Variants in ADGRL3 observed in about 807,000 individuals in gnomAD.
ADGRL3 encodes adhesion G protein-coupled receptor L3, also known as calcium-independent alpha-latrotoxin receptor 3.
In ADGRL3, 62 loss-of-function variants were observed where a neutral mutation model predicts 153.5. That is an observed-to-expected ratio of 0.40 (90% CI 0.33 to 0.50). ADGRL3 has a LOEUF of 0.50. Ranked by LOEUF, ADGRL3 falls within the 20% of genes least tolerant of loss-of-function variation. ADGRL3 has a pLI of 0.47. For synonymous variants in ADGRL3, 710 were observed against 672.5 expected (o/e 1.06, Z -0.86); for missense variants, 1,641 against 1,859.4 (o/e 0.88, Z 2.16).
At chr4:61,713,505 C>T (rs1489759825) in intron 6 of ADGRL3, among the ~76,000 whole-genome samples, 1 of 151,646 alleles carries the variant, frequency 6.6e-6, no homozygotes, top group African/African-American at 2.4e-5. Flanking sequence ...ATTATATTCT[C>T]TCAGAATCTT....
chr4:62,064,709 T>A (rs1189676238), intron 25 of ADGRL3, among the ~76,000 whole-genome samples: 1 of 151,626 alleles, frequency 6.6e-6, no homozygotes, highest in African/African-American at 2.4e-5. Flanking sequence ...GAAAGATTAG[T>A]GGTGTGTATG....
rs974539064 is a variant in ADGRL3, at chr4:62,070,820, G to C, written c.4544G>C (p.Ser1515Thr). 2 of 1,551,568 alleles carry C rather than the reference G, an allele frequency of 1.3e-6. No homozygotes were observed. Among genetic ancestry groups the C allele is most frequent in the African/African-American group, 2.7e-5 (2 of 73,026 alleles). The change falls in exon 27 of 27, where the codon AGT becomes ACT. Residue 1515 changes from serine (S) to threonine (T), a missense_variant. Physicochemically the swap from Ser to Thr is moderately conservative, Grantham distance 58. Transcript: ENST00000683033. ...TACTACCAGCTAGGTCGCGGCAGCA[G>C]TGATGGATTTATAGTTCCTCCAAAC... ...HTYYQLGRGSSDGFIVPPNKD... is the reference protein window; with the variant it reads ...HTYYQLGRGSTDGFIVPPNKD...
At chr4:61,781,434 AC>A (rs1203464187) in intron 8 of ADGRL3, among the ~76,000 whole-genome samples, 1 of 152,020 alleles carries the variant, frequency 6.6e-6, no homozygotes, top group Non-Finnish European at 1.5e-5. Flanking sequence ...ATGTATGTTA[AC>A]CTCTCTCTTC....
chr4:61,823,339 G>A (rs981339071), intron 9 of ADGRL3, among the ~76,000 whole-genome samples: 25 of 152,110 alleles, frequency 1.6e-4, no homozygotes, highest in Non-Finnish European at 2.1e-4. Flanking sequence ...AATGATAATA[G>A]CTAATATTTA....
intron 21 of ADGRL3, among the ~76,000 whole-genome samples, chr4:62,005,967 TACACACACACAC>T (rs59783179): frequency 1.0e-4 from 7 of 67,714 alleles, no homozygotes; most frequent in South Asian, 7.1e-4. Flanking sequence ...TATATACACA[TACACACACACAC>T]ACACACACAC....
intron 1 of ADGRL3, among the ~76,000 whole-genome samples, chr4:61,341,018 A>G (rs975316563): frequency 1.3e-5 from 2 of 152,040 alleles, no homozygotes; most frequent in African/African-American, 4.8e-5. Context: ...AAGAGAATGT[A>G]TCAGTATTGT....
At chr4:61,309,270 A>G (rs2094912587) in intron 1 of ADGRL3, among the ~76,000 whole-genome samples, 1 of 152,174 alleles carries the variant, frequency 6.6e-6, no homozygotes, top group African/African-American at 2.4e-5. Flanking sequence ...AGGTCAGGAC[A>G]TCTGGTACCC....
chr4:61,448,553 G>GTTTA (rs1279434804), intron 2 of ADGRL3, among the ~76,000 whole-genome samples: 2 of 152,100 alleles, frequency 1.3e-5, no homozygotes, highest in African/African-American at 4.8e-5. Context: ...CAACATGTAT[G>GTTTA]TAAAGTGCTT....
intron 1 of ADGRL3, chr4:61,212,185 A>T (rs1460107191): frequency 6.6e-6 from 1 of 152,250 alleles, no homozygotes; most frequent in African/African-American, 2.4e-5. Context: ...AAGAAAAAAA[A>T]CTTATGGCAT....
At chr4:61,428,937 CT>C (rs1228050218) in intron 2 of ADGRL3, among the ~76,000 whole-genome samples, 3 of 150,116 alleles carry the variant, frequency 2.0e-5, no homozygotes, top group Non-Finnish European at 3.0e-5. Context: ...ATCTATCTAT[CT>C]ATCTGTCATT....
chr4:61,423,957 A>G (rs566180938), intron 2 of ADGRL3, among the ~76,000 whole-genome samples: 2 of 152,262 alleles, frequency 1.3e-5, no homozygotes, highest in Non-Finnish European at 2.9e-5. Context: ...GAGGCCAATA[A>G]GGGTGAATGT....
At chr4:62,027,514 G>T (rs909155336) in intron 21 of ADGRL3, among the ~76,000 whole-genome samples, 1 of 151,882 alleles carries the variant, frequency 6.6e-6, no homozygotes, top group Non-Finnish European at 1.5e-5. Flanking sequence ...CCCATTGGAC[G>T]TACAGTTCTA....
chr4:61,960,519 A>G (rs575623087), intron 17 of ADGRL3, among the ~76,000 whole-genome samples: 2 of 152,318 alleles, frequency 1.3e-5, no homozygotes, highest in East Asian at 3.9e-4. Flanking sequence ...AGCACTCTGG[A>G]AAGCCACAGG....
At chr4:61,877,507 T>C (rs1234461770) in intron 9 of ADGRL3, among the ~76,000 whole-genome samples, 2 of 151,812 alleles carry the variant, frequency 1.3e-5, no homozygotes, top group Admixed American at 1.3e-4. Flanking sequence ...TGAGATAAAA[T>C]TGCAGAGAAC....
intron 13 of ADGRL3, among the ~76,000 whole-genome samples, chr4:61,919,961 G>A (rs2098761201): frequency 6.6e-6 from 1 of 152,120 alleles, no homozygotes; most frequent in African/African-American, 2.4e-5. Flanking sequence ...TGGGAAAAGT[G>A]TCTTTCTGTT....
rs1037229830 is a variant in ADGRL3, at chr4:62,077,547, T to G, written c.*6639T>G. On this transcript the variant is annotated 3_prime_UTR_variant, in exon 27 of 27. Coordinates refer to ENST00000683033, the MANE Select transcript of ADGRL3 (RefSeq NM_001387552.1). ...AAGATGTTTGACAAAGTTAAGTCAG[T>G]ATCTTCAATGCTTTAACAGTAGGTA... 3 of 152,004 alleles carry G rather than the reference T, an allele frequency of 2.0e-5. No individual in the cohort carries two copies. Among genetic ancestry groups the G allele is most frequent in the Non-Finnish European group, 4.4e-5 (3 of 67,906 alleles). The allele number at this position is 152,004 out of a possible 1,614,324, so 9.4% of individuals were successfully genotyped here.
intron 1 of ADGRL3, among the ~76,000 whole-genome samples, chr4:61,308,537 G>A (rs1232121490): frequency 1.3e-5 from 2 of 152,098 alleles, no homozygotes; most frequent in African/African-American, 4.8e-5. Context: ...GTTCATTTGA[G>A]TCTGCTGCTA....
intron 8 of ADGRL3, among the ~76,000 whole-genome samples, chr4:61,772,790 TG>T (rs1456269471): frequency 6.6e-6 from 1 of 152,202 alleles, no homozygotes; most frequent in Non-Finnish European, 1.5e-5. Context: ...CTCCTGCATT[TG>T]CCATTTCTCA....
chr4:61,979,687 G>GTCC lies in ADGRL3; in HGVS notation c.2931_2932insCCT (p.Arg977_Asn978insPro). 2 of 1,613,884 alleles carry GTCC rather than the reference G, an allele frequency of 1.2e-6. No individual in the cohort carries two copies. The highest frequency in any genetic ancestry group is 1.7e-6 in the Non-Finnish European group (2 of 1,179,914). On this transcript the variant is annotated inframe_insertion, in exon 18 of 27. Coordinates refer to ENST00000683033, the MANE Select transcript of ADGRL3 (RefSeq NM_001387552.1). ...TTTTTCCGGGGGCTCCAGAGTGACCGTAACACCATCCACAAGAACCTCTGC... is the reference window on the plus strand; with the variant it reads ...TTTTTCCGGGGGCTCCAGAGTGACCGTCCTAACACCATCCACAAGAACCTCTGC...
Sources: allele counts gnomAD v4.1 joint callset (sites outside exome capture counted in the v4.1 genomes callset), GRCh38; gene constraint gnomAD v4.1.1; transcripts MANE v1.5; gene names NCBI Gene and HGNC (gene_info 2026-07-23, HGNC 2026-07-21).